MAEA: variants seen among roughly 807,000 people sequenced by gnomAD.
The protein encoded by MAEA is macrophage erythroblast attacher, E3 ubiquitin ligase, also known as E3 ubiquitin-protein transferase MAEA.
MAEA carries 22 observed loss-of-function variants against 46.2 expected under a neutral mutation model. The ratio of observed to expected loss-of-function variants is 0.48; its 90% confidence interval spans 0.34 to 0.68. The LOEUF is 0.68. Ranked by LOEUF, MAEA falls within the 30% of genes least tolerant of loss-of-function variation. The pLI is 0.01. For missense variants in MAEA, 393 were observed against 558.1 expected (o/e 0.70, Z 2.98); for synonymous variants, 246 against 222.6 (o/e 1.11, Z -0.94).
In MAEA at chr4:1,335,298, G is replaced by GT. The variant is rs1424381749; in HGVS notation, c.766-1562dup. On this transcript the variant is annotated intron_variant, in intron 6 of 8. Transcript: ENST00000303400. Reference sequence around the variant, plus strand: ...TGCACTGAGCTGTCCTTCCAGCTGTGTGAGTCTATTTTTTGTCACAGTGCA... The same window carrying GT: ...TGCACTGAGCTGTCCTTCCAGCTGTGTTGAGTCTATTTTTTGTCACAGTGCA... The GT allele has an allele frequency of 5.1e-6, 5 of 985,374 alleles. No individual in the cohort carries two copies. The African/African-American group carries it at 8.7e-5, about 17-fold the overall frequency. 61.0% of individuals were successfully genotyped at this position (985,374 alleles called of 1,614,324 possible). A position where few individuals can be genotyped will look rare whatever the true frequency, so the allele number is the denominator to read the frequency against.
chr4:1,336,108 T>TTAAG (rs1712719291), intron 6 of MAEA, among the ~76,000 whole-genome samples: 1 of 151,894 alleles, frequency 6.6e-6, no homozygotes, highest in Non-Finnish European at 1.5e-5. Context: ...GAAATCAGAG[T>TTAAG]TAAGTCAGCA....
intron 1 of MAEA, among the ~76,000 whole-genome samples, chr4:1,303,936 A>G (rs1218055475): frequency 3.9e-4 from 3 of 7,652 alleles, no homozygotes; most frequent in Non-Finnish European, 6.6e-4. Flanking sequence ...GGGGTCCGGC[A>G]GGGCAGGGTG....
Position 1,327,641 on chromosome 4 carries a change from C to T in MAEA, c.594C>T (p.Phe198=). Residue 198 remains phenylalanine, a synonymous_variant, in exon 5 of 9, where the codon TTC becomes TTT. Transcript: ENST00000303400. ...RLRKMKSCLE[F]SLRIQEFIEL... ...TTTGCCCTCAGAGCTGCCTGGAGTT[C>T]AGCCTCAGAATCCAGGAGTTCATTG... 2 of 1,613,866 alleles carry T rather than the reference C, an allele frequency of 1.2e-6. No individual in the cohort carries two copies. The highest frequency in any genetic ancestry group is 1.7e-6 in the Non-Finnish European group (2 of 1,179,900).
At chr4:1,333,329 G>T (rs1307215252) in intron 6 of MAEA, among the ~76,000 whole-genome samples, 1 of 151,642 alleles carries the variant, frequency 6.6e-6, no homozygotes, top group African/African-American at 2.4e-5. Context: ...TGACAGAGCA[G>T]GACCTTGTCT....
chr4:1,335,144 G>C, intron 6 of MAEA: 1 of 985,398 alleles, frequency 1.0e-6, no homozygotes, highest in Non-Finnish European at 1.2e-6. Flanking sequence ...GTTATTTAGG[G>C]ACAGACATTC....
At chr4:1,301,461 T>C (rs531742854) in intron 1 of MAEA, among the ~76,000 whole-genome samples, 65 of 152,306 alleles carry the variant, frequency 4.3e-4, no homozygotes, top group Admixed American at 1.8e-3. Context: ...ATGCAACAAA[T>C]TACTTAGGAA....
Position 1,316,820 on chromosome 4 carries a change from G to A in MAEA, c.456+1220G>A, listed in dbSNP as rs540169081. On this transcript the variant is annotated intron_variant, in intron 3 of 8. Transcript: ENST00000303400. ...CGGGTGCCCATGGGGCCACACTCAC[G>A]CCCCCATGCAGCCATCTGCACGCCC... is the stretch of plus-strand genomic sequence containing the variant. Among the ~76,000 whole-genome samples the A allele has an allele frequency of 2.3e-4, 35 of 152,058 alleles. No homozygotes were observed. In the East Asian group the frequency reaches 6.0e-3, roughly 26 times the overall value.
intron 2 of MAEA, among the ~76,000 whole-genome samples, chr4:1,314,349 AG>A (rs1264331227): frequency 6.6e-6 from 1 of 151,790 alleles, no homozygotes; most frequent in Non-Finnish European, 1.5e-5. Flanking sequence ...AGAATTTAAA[AG>A]GGACTAAAAT....
intron 1 of MAEA, among the ~76,000 whole-genome samples, chr4:1,310,868 C>T (rs1736411466): frequency 6.6e-6 from 1 of 152,216 alleles, no homozygotes; most frequent in Non-Finnish European, 1.5e-5. Flanking sequence ...CTGTGTGGCT[C>T]CTTCCTCGGC....
rs79901090 is a variant in MAEA at position 1,318,467 on chromosome 4, G to A, written c.456+2867G>A. On this transcript the variant is annotated intron_variant, in intron 3 of 8. Transcript: ENST00000303400. ...GGAGTAGGCCTCAGCAGGGTGAGAC[G>A]GGCTACACTCAAGGTGTTGGGGTGC... 5.3e-3 allele frequency among the ~76,000 whole-genome samples: 813 copies of A among 152,328 alleles called. 15 individuals carry two copies. The highest frequency in any genetic ancestry group is 0.034 in the East Asian group (176 of 5,176).
At chr4:1,312,340 TC>T in intron 2 of MAEA, 179 bp downstream of exon 2, 1 of 646,718 alleles carries the variant, frequency 1.5e-6, no homozygotes, top group South Asian at 1.9e-5. Context: ...AGCTTCCTGT[TC>T]CTGTAGGGAC....
At position 1,314,065 on chromosome 4, in the gene MAEA, C is replaced by T. The variant is rs536396997; in HGVS notation, c.253-1332C>T. 2.0e-4 allele frequency among the ~76,000 whole-genome samples: 31 copies of T among 152,272 alleles called. No homozygotes were observed. In the East Asian group the frequency reaches 4.4e-3, roughly 22 times the overall value. ...GTGATTGGGCAGGCACAGTGGCTCA[C>T]GCCTGCAATCCCAGCACTTTGGGAG... is the stretch of plus-strand genomic sequence containing the variant. On this transcript the variant is annotated intron_variant, in intron 2 of 8. Transcript: ENST00000303400.
intron 1 of MAEA, among the ~76,000 whole-genome samples, chr4:1,304,565 C>T (rs1217976204): frequency 2.0e-5 from 3 of 152,156 alleles, no homozygotes; most frequent in African/African-American, 4.8e-5. Flanking sequence ...CTCAGCCTCC[C>T]GAGTAGTTGG....
intron 1 of MAEA, among the ~76,000 whole-genome samples, chr4:1,291,159 G>A (rs1282295271): frequency 1.3e-5 from 2 of 152,132 alleles, no homozygotes; most frequent in African/African-American, 4.8e-5. Flanking sequence ...ATTAACTAGC[G>A]GTTTATTTCA....
intron 1 of MAEA, among the ~76,000 whole-genome samples, chr4:1,310,261 G>A (rs1046447868): frequency 9.9e-5 from 15 of 152,228 alleles, no homozygotes; most frequent in Non-Finnish European, 4.4e-5. Context: ...AGTGGGTCTC[G>A]TTGAGCTCGC....
chr4:1,333,992 CCATCCCATGCCTACCGTGCT>C (rs1372318136), intron 6 of MAEA, among the ~76,000 whole-genome samples: 5 of 61,842 alleles, frequency 8.1e-5, no homozygotes, highest in Non-Finnish European at 6.3e-5. Context: ...ACCCCTGCAC[CCATCCCATGCCTACCGTGCT>C]CACCCCCATG....
chr4:1,309,757 C>A, intron 1 of MAEA: 1 of 1,489,176 alleles, frequency 6.7e-7, no homozygotes. Context: ...TCTGCGTAAC[C>A]GTGGCGCGTT....
In MAEA at chr4:1,309,881, C is replaced by T. The variant is rs544533863; in HGVS notation, c.70-2098C>T. 1.8e-5 allele frequency: 23 copies of T among 1,307,278 alleles called. No homozygotes were observed. In the East Asian group the frequency reaches 4.3e-4, roughly 24 times the overall value. 81.0% of individuals were successfully genotyped at this position (1,307,278 alleles called of 1,614,324 possible). ...AGCGTCAGCACCGCGGTGAGGCGGACGGCCCGGCAGGGGTTGGAAAGTCCA... is the reference window on the plus strand; with the variant it reads ...AGCGTCAGCACCGCGGTGAGGCGGATGGCCCGGCAGGGGTTGGAAAGTCCA... On this transcript the variant is annotated intron_variant, in intron 1 of 8. Transcript: ENST00000303400.
At position 1,336,944 on chromosome 4, in the gene MAEA, T is replaced by C. The variant is rs2109017697; in HGVS notation, c.849T>C (p.Asn283=). The C allele has an allele frequency of 6.2e-7, 1 of 1,614,060 alleles. No individual in the cohort carries two copies. The highest frequency in any genetic ancestry group is 2.2e-5 in the East Asian group (1 of 44,872). Residue 283 remains asparagine, a synonymous_variant, in exon 7 of 9, where the codon AAT becomes AAC. Transcript: ENST00000303400. ...ACCGACTACACCAGCTGGGAAACAA[T>C]TCTGTGTTCACCCTCACCCTGCAGG... The part of the protein sequence containing the change: ...DNYRLHQLGN[N]SVFTLTLQAG...
Sources: allele counts gnomAD v4.1 joint callset (sites outside exome capture counted in the v4.1 genomes callset), GRCh38; gene constraint gnomAD v4.1.1; transcripts MANE v1.5; gene names NCBI Gene and HGNC (gene_info 2026-07-23, HGNC 2026-07-21).